The following ALPK2 variants were observed in gnomAD, a reference collection of about 807,000 sequenced individuals.
ALPK2 encodes the protein alpha-protein kinase 2.
In ALPK2, 127 loss-of-function variants were observed where a neutral mutation model predicts 163.1. The observed-to-expected ratio is 0.78, with a 90% confidence interval of 0.67 to 0.90. The LOEUF is 0.90. ALPK2 is among the 40% of genes least tolerant of loss of function. The pLI, the probability that ALPK2 is intolerant of heterozygous loss-of-function variation, is 0.00. For synonymous variants in ALPK2, 953 were observed against 959.1 expected, an observed-to-expected ratio of 0.99 and a Z score of 0.12; for missense variants, 2,360 against 2,589.6, an observed-to-expected ratio of 0.91 and a Z score of 1.92.
intron 5 of ALPK2, among the ~76,000 whole-genome samples, 170 bp downstream of exon 5, chr18:58,534,663 CT>C: frequency 6.6e-6 from 1 of 152,292 alleles, no homozygotes; most frequent in East Asian, 1.9e-4. Flanking sequence ...TTAACAAGTC[CT>C]CCAGGTGATT....
intron 3 of ALPK2, among the ~76,000 whole-genome samples, chr18:58,599,313 T>C (rs536706017): frequency 1.3e-5 from 2 of 152,290 alleles, no homozygotes; most frequent in Admixed American, 1.3e-4. Flanking sequence ...CCAGGCATGG[T>C]CTGAGTCATG....
At chr18:58,563,930 T>C (rs887945079) in intron 4 of ALPK2, among the ~76,000 whole-genome samples, 1 of 152,066 alleles carries the variant, frequency 6.6e-6, no homozygotes, top group African/African-American at 2.4e-5. Flanking sequence ...TCCAGAAGGG[T>C]TGTACTAATT....
At chr18:58,593,648 C>T (rs562155779) in intron 3 of ALPK2, among the ~76,000 whole-genome samples, 52 of 148,978 alleles carry the variant, frequency 3.5e-4, no homozygotes, top group Non-Finnish European at 6.4e-4. Flanking sequence ...GAGGCCAAGG[C>T]GGGTGGATCA....
intron 3 of ALPK2, chr18:58,600,772 C>T (rs1244754456): frequency 1.3e-5 from 2 of 152,248 alleles, no homozygotes; most frequent in African/African-American, 4.8e-5. Context: ...AACCTTGTGT[C>T]TGGGTGAGCA....
chr18:58,487,964 C>T (rs9955075), intron 12 of ALPK2, among the ~76,000 whole-genome samples: 5,516 of 152,246 alleles, frequency 0.036, 311 homozygotes, highest in African/African-American at 0.12. Context: ...CCTCGAGACC[C>T]TGTTAAAATG....
In ALPK2 at chr18:58,504,045, C is replaced by T. The variant is rs1205972936; in HGVS notation, c.6133G>A (p.Gly2045Arg). Residue 2045 changes from glycine (G) to arginine (R), a missense_variant, in exon 11 of 13, where the codon GGG (glycine) becomes AGG (arginine). Gly to Arg is a moderately radical substitution (Grantham distance 125). Transcript: ENST00000361673. ...GEFVKYSIRD[G>R]KEINFLRRES... ...CTTCTCAAGAAGTTTATTTCTTTCCCATCCCTGATGGAATACTTCACAAAT... is the reference window on the plus strand; with the variant it reads ...CTTCTCAAGAAGTTTATTTCTTTCCTATCCCTGATGGAATACTTCACAAAT... 4 of 1,614,060 alleles carry T rather than the reference C, an allele frequency of 2.5e-6. No individual in the cohort carries two copies. Among genetic ancestry groups the T allele is most frequent in the Non-Finnish European group, 3.4e-6 (4 of 1,180,002 alleles).
intron 4 of ALPK2, among the ~76,000 whole-genome samples, chr18:58,563,930 T>G (rs887945079): frequency 6.6e-6 from 1 of 152,184 alleles, no homozygotes; most frequent in South Asian, 2.1e-4. Flanking sequence ...TCCAGAAGGG[T>G]TGTACTAATT....
intron 1 of ALPK2, among the ~76,000 whole-genome samples, chr18:58,624,449 CTTT>C (rs60271669): frequency 3.1e-5 from 4 of 127,322 alleles, no homozygotes; most frequent in African/African-American, 2.9e-5. Flanking sequence ...TGATTTCTTT[CTTT>C]TTTTTTTTTT....
rs1248878425 is a variant in ALPK2 at position 58,523,920 on chromosome 18, A to G, written c.5629+15T>C. On this transcript the variant is annotated intron_variant, in intron 7 of 12. Coordinates refer to ENST00000361673, the MANE Select transcript of ALPK2 (RefSeq NM_052947.4). ...GGCAGGGGCCAGTGGTTTTTCATTG[A>G]AAACTGTGGTTTACCTTCAGCTGTG... 1.9e-6 allele frequency: 3 copies of G among 1,613,832 alleles called. No individual in the cohort carries two copies. The highest frequency in any genetic ancestry group is 1.7e-5 in the Admixed American group (1 of 59,994).
rs779672737 is a variant in ALPK2, at chr18:58,538,063, C to T, written c.2124G>A (p.Ser708=). The change falls in exon 5 of 13, where the codon TCG becomes TCA. Residue 708 remains serine, a synonymous_variant. Coordinates refer to ENST00000361673, the MANE Select transcript of ALPK2 (RefSeq NM_052947.4). ...GACCACAGGTACAGGGTTTGACCTC[C>T]GAGTGTTGAGCTAATGATGCATTTT... ...HKENASLAQH[S]EVKPCTCGPQ... is the part of the protein sequence containing the mutation. 19 of 1,614,004 alleles carry T rather than the reference C, an allele frequency of 1.2e-5. No individual in the cohort carries two copies. The highest frequency in any genetic ancestry group is 5.0e-5 in the Admixed American group (3 of 60,006).
chr18:58,495,479 A>G (rs990554339), intron 12 of ALPK2, among the ~76,000 whole-genome samples: 5 of 152,142 alleles, frequency 3.3e-5, no homozygotes, highest in African/African-American at 1.2e-4. Flanking sequence ...CGGGCCAGAT[A>G]AGTCACATTA....
chr18:58,564,892 C>T (rs1309398181), intron 4 of ALPK2, among the ~76,000 whole-genome samples: 5 of 152,116 alleles, frequency 3.3e-5, no homozygotes, highest in African/African-American at 1.2e-4. Flanking sequence ...TTTCCTTAAA[C>T]ATTTAAAAAC....
intron 12 of ALPK2, among the ~76,000 whole-genome samples, chr18:58,484,701 G>A (rs1217528634): frequency 2.0e-5 from 3 of 152,024 alleles, no homozygotes; most frequent in African/African-American, 4.8e-5. Flanking sequence ...ACGAGATCGC[G>A]CCACTGCACT....
chr18:58,584,107 A>T (rs774200114), intron 3 of ALPK2, among the ~76,000 whole-genome samples: 1 of 152,200 alleles, frequency 6.6e-6, no homozygotes, highest in Non-Finnish European at 1.5e-5. Context: ...CAGATGGGAG[A>T]TTGTCATAAT....
intron 1 of ALPK2, among the ~76,000 whole-genome samples, chr18:58,613,717 T>A (rs972381117): frequency 0.057 from 6,507 of 113,842 alleles, 280 homozygotes; most frequent in Middle Eastern, 0.093. Context: ...AAAATAATAA[T>A]AATAATAATA....
At chr18:58,543,488 GC>G in intron 4 of ALPK2, 2 of 701,250 alleles carry the variant, frequency 2.9e-6, no homozygotes, top group Non-Finnish European at 3.5e-6. Flanking sequence ...AAGAGAGAGG[GC>G]AGCAGAAAGG....
chr18:58,505,076 C>A (rs940446036), intron 10 of ALPK2, among the ~76,000 whole-genome samples: 57 of 151,878 alleles, frequency 3.8e-4, no homozygotes, highest in Admixed American at 3.7e-3. Context: ...GGATGAGAAG[C>A]CATTGGAGGA....
rs781442098 is a variant in ALPK2, at chr18:58,580,313, G to A, written c.463C>T (p.Pro155Ser). 1 of 1,614,088 alleles carries A rather than the reference G, an allele frequency of 6.2e-7. No individual in the cohort carries two copies. Among genetic ancestry groups the A allele is most frequent in the Non-Finnish European group, 8.5e-7 (1 of 1,180,010 alleles). ...GAGTCAGCTGACCTGGGAGTGCCCG[G>A]GGAGATGCTTTCTTCTTCCTTATAA... ...HPYKEEESIS[P>S]GTPRSADSSP... The change falls in exon 4 of 13, where the codon CCG becomes TCG. Residue 155 changes from proline (P) to serine (S), a missense_variant. By Grantham distance (74) the Pro-to-Ser change is moderately conservative. Coordinates refer to ENST00000361673, the MANE Select transcript of ALPK2 (RefSeq NM_052947.4).
intron 12 of ALPK2, 58 bp from the exon 13 acceptor site, chr18:58,482,097 T>TA: frequency 7.3e-7 from 1 of 1,364,436 alleles, no homozygotes; most frequent in Non-Finnish European, 1.0e-6. Context: ...TTCATCAGTT[T>TA]AAAAAGAAAA....
Sources: allele counts gnomAD v4.1 joint callset (sites outside exome capture counted in the v4.1 genomes callset), GRCh38; gene constraint gnomAD v4.1.1; transcripts MANE v1.5; gene names NCBI Gene and HGNC (gene_info 2026-07-23, HGNC 2026-07-21).